CNTNAP2: variants seen among roughly 807,000 people sequenced by gnomAD.
CNTNAP2 encodes contactin associated protein 2.
CNTNAP2 carries 98 observed loss-of-function variants against 155.2 expected under a neutral mutation model. The observed-to-expected ratio is 0.63, with a 90% confidence interval of 0.54 to 0.75. The LOEUF (loss-of-function observed/expected upper bound fraction) is 0.75, where lower values mean the gene tolerates loss of function less well. Among genes scored for constraint, CNTNAP2 ranks in the 30% least tolerant of loss-of-function variants. CNTNAP2 has a pLI of 0.00. For synonymous variants in CNTNAP2, 651 were observed against 631.2 expected (o/e 1.03, Z -0.47); for missense variants, 1,727 against 1,688.1 (o/e 1.02, Z -0.40).
At chr7:147,858,094 T>G (rs1799071207) in intron 13 of CNTNAP2, among the ~76,000 whole-genome samples, 1 of 152,208 alleles carries the variant, frequency 6.6e-6, no homozygotes, top group Non-Finnish European at 1.5e-5. Flanking sequence ...AAATACTCTT[T>G]TTTTCTTTTT....
chr7:147,914,878 A>G (rs1800133150), intron 14 of CNTNAP2, among the ~76,000 whole-genome samples: 1 of 152,190 alleles, frequency 6.6e-6, no homozygotes, highest in Admixed American at 6.5e-5. Flanking sequence ...TGTATAATCC[A>G]TAACCTTTAT....
chr7:148,104,289 G>GT (rs1445894766), intron 15 of CNTNAP2, among the ~76,000 whole-genome samples: 1 of 152,196 alleles, frequency 6.6e-6, no homozygotes, highest in Non-Finnish European at 1.5e-5. Context: ...TTTGTGTAAC[G>GT]TAATCGTATG....
intron 8 of CNTNAP2, among the ~76,000 whole-genome samples, chr7:147,208,261 T>C (rs1803061232): frequency 6.6e-6 from 1 of 152,114 alleles, no homozygotes; most frequent in African/African-American, 2.4e-5. Flanking sequence ...CACTCTGTCT[T>C]CTATTAGTTC....
At chr7:146,343,187 A>T (rs903249883) in intron 1 of CNTNAP2, among the ~76,000 whole-genome samples, 1 of 152,146 alleles carries the variant, frequency 6.6e-6, no homozygotes, top group East Asian at 1.9e-4. Flanking sequence ...AAAGATGAAC[A>T]ACAAATTTTA....
At chr7:146,323,969 A>G (rs895993203) in intron 1 of CNTNAP2, among the ~76,000 whole-genome samples, 2 of 152,110 alleles carry the variant, frequency 1.3e-5, no homozygotes, top group African/African-American at 4.8e-5. Context: ...TGTCTCAAGT[A>G]TTTATTTCTC....
intron 1 of CNTNAP2, among the ~76,000 whole-genome samples, chr7:146,463,899 C>T (rs542287021): frequency 1.6e-4 from 25 of 152,218 alleles, no homozygotes; most frequent in African/African-American, 5.5e-4. Flanking sequence ...GAAAGGTTGA[C>T]ATCCTTTGTT....
chr7:146,371,675 G>T (rs905473769), intron 1 of CNTNAP2, among the ~76,000 whole-genome samples: 3 of 151,920 alleles, frequency 2.0e-5, no homozygotes, highest in Non-Finnish European at 2.9e-5. Flanking sequence ...TTGCCAGCTG[G>T]GCGTGGTGGC....
chr7:147,742,647 A>G (rs1026847344), intron 13 of CNTNAP2, among the ~76,000 whole-genome samples: 7 of 152,220 alleles, frequency 4.6e-5, no homozygotes, highest in Non-Finnish European at 8.8e-5. Context: ...TCGCTCATGT[A>G]GAGTAGGATT....
chr7:147,743,599 G>A (rs752400337), intron 13 of CNTNAP2, among the ~76,000 whole-genome samples: 15 of 152,064 alleles, frequency 9.9e-5, no homozygotes, highest in Non-Finnish European at 1.2e-4. Context: ...TGGTAATTGC[G>A]TTTCTGCTTT....
chr7:148,146,700 G>A (rs1353316999), intron 16 of CNTNAP2, among the ~76,000 whole-genome samples: 2 of 152,108 alleles, frequency 1.3e-5, no homozygotes, highest in Non-Finnish European at 2.9e-5. Context: ...TTTCAGGTAG[G>A]CACAGGTGGT....
At chr7:146,816,881 GC>G (rs1803181634) in intron 2 of CNTNAP2, among the ~76,000 whole-genome samples, 1 of 152,162 alleles carries the variant, frequency 6.6e-6, no homozygotes, top group South Asian at 2.1e-4. Flanking sequence ...GTCTCCTACA[GC>G]TGTTTCAAGG....
intron 2 of CNTNAP2, among the ~76,000 whole-genome samples, chr7:146,791,104 G>GT (rs1254336680): frequency 1.4e-5 from 2 of 146,950 alleles, no homozygotes; most frequent in African/African-American, 5.0e-5. Context: ...AGTGTGTGAT[G>GT]TCCCCCTCCC....
intron 1 of CNTNAP2, among the ~76,000 whole-genome samples, chr7:146,340,286 G>GTT (rs548459768): frequency 2.2e-4 from 21 of 93,834 alleles, no homozygotes; most frequent in African/African-American, 8.5e-4. Context: ...TGTTGTTGTT[G>GTT]TTTTTTTTTT....
intron 1 of CNTNAP2, among the ~76,000 whole-genome samples, chr7:146,660,661 A>T (rs1800071315): frequency 6.6e-6 from 1 of 152,214 alleles, no homozygotes; most frequent in Admixed American, 6.5e-5. Flanking sequence ...TATCTTTCAG[A>T]TGTCTCTAAT....
chr7:146,955,534 A>C (rs1335618670), intron 3 of CNTNAP2, among the ~76,000 whole-genome samples: 1 of 151,998 alleles, frequency 6.6e-6, no homozygotes, highest in African/African-American at 2.4e-5. Flanking sequence ...AGTGTGCCTC[A>C]CTAAGGTAAA....
chr7:147,933,521 ATAGATAGATAGATAGATAGATAT>A (rs1800547099), intron 14 of CNTNAP2, among the ~76,000 whole-genome samples: 3 of 151,962 alleles, frequency 2.0e-5, no homozygotes, highest in Non-Finnish European at 2.9e-5. Context: ...AGATAGATAG[ATAGATAGATAGATAGATAGATAT>A]AACAGAATAT....
chr7:146,537,599 G>C (rs114987603), intron 1 of CNTNAP2, among the ~76,000 whole-genome samples: 1 of 152,060 alleles, frequency 6.6e-6, no homozygotes, highest in South Asian at 2.1e-4. Context: ...TTCTGGTGGG[G>C]AGGCCTTGCG....
intron 21 of CNTNAP2, among the ~76,000 whole-genome samples, chr7:148,362,052 C>CA (rs1052717055): frequency 9.9e-5 from 15 of 152,092 alleles, no homozygotes; most frequent in African/African-American, 2.9e-4. Flanking sequence ...ACTAAAAATA[C>CA]AAAAAAACTA....
At chr7:148,338,560 G>C (rs541180246) in intron 21 of CNTNAP2, among the ~76,000 whole-genome samples, 1 of 150,076 alleles carries the variant, frequency 6.7e-6, no homozygotes, top group African/African-American at 2.4e-5. Context: ...GTGGGGGGGT[G>C]AGGGGGGGGT....
Sources: gnomAD v4.1 joint callset for allele counts (sites outside exome capture counted in the v4.1 genomes callset) on GRCh38, gnomAD v4.1.1 for gene constraint, MANE v1.5 for transcripts, NCBI Gene and HGNC (gene_info 2026-07-23, HGNC 2026-07-21) for gene names.